DSCAML1: variants seen among roughly 807,000 people sequenced by gnomAD.
DSCAML1 encodes the protein cell adhesion molecule DSCAML1.
In DSCAML1, 38 loss-of-function variants were observed where a neutral mutation model predicts 200.5. That is an observed-to-expected ratio of 0.19 (90% CI 0.15 to 0.25). DSCAML1 has a LOEUF of 0.25. Among genes scored for constraint, DSCAML1 ranks in the 10% least tolerant of loss-of-function variants. The probability of loss-of-function intolerance (pLI) is 1.00; values close to 1 mark genes in which losing one functional copy is unlikely to be tolerated. For missense variants in DSCAML1, 2,223 were observed against 2,858.8 expected, an observed-to-expected ratio of 0.78 and a Z score of 5.07; for synonymous variants, 1,215 against 1,165.0, an observed-to-expected ratio of 1.04 and a Z score of -0.87.
intron 21 of DSCAML1, among the ~76,000 whole-genome samples, chr11:117,442,221 C>A (rs1394367618): frequency 7.8e-6 from 1 of 128,180 alleles, no homozygotes; most frequent in Admixed American, 7.7e-5. Flanking sequence ...ATTAGTGTGT[C>A]TAGTGTGTGT....
intron 19 of DSCAML1, among the ~76,000 whole-genome samples, chr11:117,458,116 C>T (rs1169225231): frequency 6.6e-6 from 1 of 152,184 alleles, no homozygotes; most frequent in Non-Finnish European, 1.5e-5. Context: ...TGGGTGGAAG[C>T]CTGGTCCTTC....
rs372529189 is a variant in DSCAML1 at position 117,438,962 on chromosome 11, A to C, written c.4166T>G (p.Leu1389Arg). ...LVQVPPDQPRLTVSKTSASSI... is the reference protein window; with the variant it reads ...LVQVPPDQPRRTVSKTSASSI... Reference sequence around the variant, plus strand: ...CGAAGCTGAGGTTTTGGAGACAGTGAGGCGGGGCTGGTCCGGGGGAACTGT... The same window carrying C: ...CGAAGCTGAGGTTTTGGAGACAGTGCGGCGGGGCTGGTCCGGGGGAACTGT... Residue 1389 changes from leucine (L) to arginine (R), a missense_variant, in exon 24 of 33, where the codon CTC becomes CGC. By Grantham distance (102) the Leu-to-Arg change is moderately radical. Coordinates refer to ENST00000651296, the MANE Select transcript of DSCAML1 (RefSeq NM_020693.4). 6.2e-7 allele frequency: 1 copy of C among 1,607,458 alleles called. No homozygotes were observed. Among genetic ancestry groups the C allele is most frequent in the African/African-American group, 1.3e-5 (1 of 74,440 alleles).
At chr11:117,698,961 G>A (rs1055452273) in intron 3 of DSCAML1, among the ~76,000 whole-genome samples, 1 of 152,178 alleles carries the variant, frequency 6.6e-6, no homozygotes, top group Admixed American at 6.5e-5. Context: ...GTACTCTAGG[G>A]CTACGGCACT....
At chr11:117,486,474 T>A (rs1401847707) in intron 11 of DSCAML1, among the ~76,000 whole-genome samples, 1 of 150,186 alleles carries the variant, frequency 6.7e-6, no homozygotes, top group Non-Finnish European at 1.5e-5. Flanking sequence ...GTGAAAATGG[T>A]GGATGTGAAA....
intron 22 of DSCAML1, 68 bp downstream of exon 22, chr11:117,439,751 C>T: frequency 1.4e-6 from 2 of 1,470,506 alleles, no homozygotes; most frequent in South Asian, 1.2e-5. Flanking sequence ...CCAGACTCTT[C>T]TCCACACCGC....
intron 3 of DSCAML1, among the ~76,000 whole-genome samples, chr11:117,706,425 G>C (rs1318851055): frequency 6.6e-6 from 1 of 152,172 alleles, no homozygotes; most frequent in Non-Finnish European, 1.5e-5. Context: ...TCTATTCCCA[G>C]GGAGAAAAGC....
Position 117,498,455 on chromosome 11 carries a change from TG to T in DSCAML1, c.2359+5389del, listed in dbSNP as rs1436451427. 1.3e-5 allele frequency among the ~76,000 whole-genome samples: 2 copies of T among 152,128 alleles called. No individual in the cohort carries two copies. The highest frequency in any genetic ancestry group is 6.5e-5 in the Admixed American group (1 of 15,270). ...GGACTGTGGTCTAGAAAGGGATTTG[TG>T]GGCTCTGAGCAGCCATTTTCTCAGG... is the stretch of plus-strand genomic sequence containing the variant. On this transcript the variant is annotated intron_variant, in intron 11 of 32. Transcript: ENST00000651296. The surrounding 1 kb of genome is among the most constrained non-coding windows in gnomAD (Gnocchi z 4.0).
At chr11:117,485,003 T>C (rs2137229411) in intron 11 of DSCAML1, among the ~76,000 whole-genome samples, 1 of 152,016 alleles carries the variant, frequency 6.6e-6, no homozygotes, top group South Asian at 2.1e-4. Context: ...AGCACACCTC[T>C]GTTCTGTTCT....
At position 117,428,266 on chromosome 11, in the gene DSCAML1, C is replaced by G. The variant is rs533022274; in HGVS notation, c.*62G>C. ...AATATAAATAATGCAGAAAAACAGC[C>G]GAGCTGGCGTGTGGGGCTGCGGCGC... On this transcript the variant is annotated 3_prime_UTR_variant, in exon 33 of 33. Coordinates refer to ENST00000651296, the MANE Select transcript of DSCAML1 (RefSeq NM_020693.4). The G allele has an allele frequency of 2.1e-6, 2 of 949,904 alleles. No individual in the cohort carries two copies. The highest frequency in any genetic ancestry group is 1.6e-6 in the Non-Finnish European group (1 of 606,480). 58.8% of individuals were successfully genotyped at this position (949,904 alleles called of 1,614,324 possible).
chr11:117,509,652 G>T (rs930812845), intron 8 of DSCAML1, among the ~76,000 whole-genome samples: 13 of 152,240 alleles, frequency 8.5e-5, no homozygotes, highest in African/African-American at 3.1e-4. Context: ...AGTGCTGTGA[G>T]TGGGGTCTCC....
intron 3 of DSCAML1, among the ~76,000 whole-genome samples, chr11:117,734,527 C>T (rs555246160): frequency 1.3e-5 from 2 of 152,206 alleles, no homozygotes; most frequent in South Asian, 4.1e-4. Flanking sequence ...TGGGTCAGTG[C>T]CTGCTCTTAT....
chr11:117,536,947 A>G (rs1264280393), intron 3 of DSCAML1, among the ~76,000 whole-genome samples: 1 of 152,210 alleles, frequency 6.6e-6, no homozygotes, highest in Non-Finnish European at 1.5e-5. Context: ...CTTTACGTAC[A>G]TTATCTCATT....
intron 3 of DSCAML1, among the ~76,000 whole-genome samples, chr11:117,561,562 TA>T (rs2050663711): frequency 6.6e-6 from 1 of 152,180 alleles, no homozygotes; most frequent in Non-Finnish European, 1.5e-5. Context: ...CCTCTTCCTA[TA>T]GCGCCCCTTG....
intron 3 of DSCAML1, among the ~76,000 whole-genome samples, chr11:117,543,555 C>A (rs1020022975): frequency 1.3e-5 from 2 of 152,096 alleles, no homozygotes; most frequent in African/African-American, 4.8e-5. Context: ...AAGGGGCTGG[C>A]AGCTTAGGGA....
chr11:117,452,574 G>T (rs2048302339), intron 19 of DSCAML1, among the ~76,000 whole-genome samples: 1 of 151,978 alleles, frequency 6.6e-6, no homozygotes, highest in African/African-American at 2.4e-5. Context: ...TCTTTTAATT[G>T]GAGGATTTAG....
At chr11:117,615,003 T>A (rs976561428) in intron 3 of DSCAML1, among the ~76,000 whole-genome samples, 1 of 152,128 alleles carries the variant, frequency 6.6e-6, no homozygotes, top group Non-Finnish European at 1.5e-5. Context: ...TGGCACCAGA[T>A]AATTTTGCAC....
intron 3 of DSCAML1, among the ~76,000 whole-genome samples, chr11:117,534,936 C>T (rs1305456496): frequency 6.6e-6 from 1 of 152,146 alleles, no homozygotes; most frequent in Non-Finnish European, 1.5e-5. Context: ...TTTCAAATAA[C>T]TTCATCAGTC....
At chr11:117,591,212 G>T (rs1032442770) in intron 3 of DSCAML1, among the ~76,000 whole-genome samples, 1 of 152,096 alleles carries the variant, frequency 6.6e-6, no homozygotes, top group Non-Finnish European at 1.5e-5. Flanking sequence ...AGGGTGAGGG[G>T]GGTAATATGG....
chr11:117,703,533 C>A (rs2053703285), intron 3 of DSCAML1, among the ~76,000 whole-genome samples: 1 of 152,152 alleles, frequency 6.6e-6, no homozygotes, highest in African/African-American at 2.4e-5. Flanking sequence ...ACCTTGGTTC[C>A]CAAGTGACAA....
Sources: gnomAD v4.1 joint callset for allele counts (sites outside exome capture counted in the v4.1 genomes callset) on GRCh38, gnomAD v4.1.1 for gene constraint, Gnocchi (gnomAD v3.1) non-coding constraint, MANE v1.5 for transcripts, NCBI Gene and HGNC (gene_info 2026-07-23, HGNC 2026-07-21) for gene names.